TEX10: variants seen among roughly 807,000 people sequenced by gnomAD.
The protein encoded by TEX10 is testis-expressed protein 10.
In TEX10, 24 loss-of-function variants were observed where a neutral mutation model predicts 104.4. The ratio of observed to expected loss-of-function variants is 0.23; its 90% CI spans 0.17 to 0.32. The LOEUF is 0.32. Ranked by LOEUF, TEX10 falls within the 10% of genes least tolerant of loss-of-function variation. The pLI is 1.00. For synonymous variants in TEX10, 396 were observed against 393.4 expected, an observed-to-expected ratio of 1.01 and a Z score of -0.08; for missense variants, 921 against 1,083.9, an observed-to-expected ratio of 0.85 and a Z score of 2.11.
chr9:100,348,229 G>C (rs773425874), intron 2 of TEX10, among the ~76,000 whole-genome samples: 1 of 152,220 alleles, frequency 6.6e-6, no homozygotes, highest in Non-Finnish European at 1.5e-5. Context: ...CAAATCTATA[G>C]ATATCAGAGG....
intron 5 of TEX10, among the ~76,000 whole-genome samples, chr9:100,331,375 T>C (rs1834858734): frequency 6.6e-6 from 1 of 152,210 alleles, no homozygotes. Flanking sequence ...AGTTTGAGGT[T>C]ACAGTGAGCT....
chr9:100,304,009 A>T (rs931703949), intron 13 of TEX10, 167 bp from the exon 14 acceptor site: 1 of 647,906 alleles, frequency 1.5e-6, no homozygotes, highest in Non-Finnish European at 2.8e-6. Flanking sequence ...AGCCACACAC[A>T]CACACTAAAT....
intron 5 of TEX10, among the ~76,000 whole-genome samples, chr9:100,332,324 G>T (rs566334386): frequency 1.3e-5 from 2 of 152,282 alleles, no homozygotes; most frequent in African/African-American, 2.4e-5. Flanking sequence ...AAAATTTACC[G>T]TAAGTTTATC....
intron 5 of TEX10, among the ~76,000 whole-genome samples, chr9:100,333,515 A>T (rs1371361913): frequency 3.3e-5 from 5 of 152,062 alleles, no homozygotes; most frequent in Non-Finnish European, 7.4e-5. Context: ...ATAAGACTAA[A>T]GCAAAACAAG....
intron 5 of TEX10, among the ~76,000 whole-genome samples, chr9:100,334,507 T>C (rs928762064): frequency 1.4e-4 from 21 of 152,100 alleles, no homozygotes; most frequent in Admixed American, 3.9e-4. Context: ...CTGAGATACA[T>C]GAAAAACATG....
intron 2 of TEX10, among the ~76,000 whole-genome samples, chr9:100,348,010 TTCA>T (rs1564222619): frequency 2.0e-5 from 3 of 152,346 alleles, no homozygotes; most frequent in Admixed American, 6.5e-5. Flanking sequence ...AAACTAAATG[TTCA>T]TCAACTGCTG....
At chr9:100,305,562 T>G (rs1588161951) in intron 13 of TEX10, 1 of 152,158 alleles carries the variant, frequency 6.6e-6, no homozygotes, top group East Asian at 1.9e-4. Context: ...TAATCAAATA[T>G]TTTCATTTTC....
At chr9:100,313,845 C>CAA (rs34304010) in intron 11 of TEX10, among the ~76,000 whole-genome samples, 40 of 90,726 alleles carry the variant, frequency 4.4e-4, no homozygotes, top group African/African-American at 1.2e-3. Flanking sequence ...ACTGTGTTTC[C>CAA]AAAAAAAAAA....
chr9:100,338,884 C>CT (rs1421962300), intron 5 of TEX10, among the ~76,000 whole-genome samples: 1 of 151,762 alleles, frequency 6.6e-6, no homozygotes, highest in African/African-American at 2.4e-5. Flanking sequence ...GAGTGAGACT[C>CT]TGTCTCAAAA....
intron 4 of TEX10, among the ~76,000 whole-genome samples, chr9:100,343,678 T>C (rs1835228577): frequency 6.6e-6 from 1 of 151,792 alleles, no homozygotes; most frequent in South Asian, 2.1e-4. Context: ...TGCATTAAGC[T>C]GCAGCACCAA....
chr9:100,320,435 C>CA, intron 10 of TEX10, 37 bp from the exon 11 acceptor site: 5 of 1,537,608 alleles, frequency 3.3e-6, no homozygotes, highest in South Asian at 1.3e-5. Context: ...TTTAAAAAAA[C>CA]AAAAAACAAA....
Position 100,326,346 on chromosome 9 carries a change from G to A in TEX10, c.1935C>T (p.Leu645=), listed in dbSNP as rs753100710. ...TAAGCATGGCAGCCAAACTTGAACT[G>A]AGTCTTCCCATAATACAGCAACGAC... ...RLSRCCIMGR[L]SSSLAAMLIG... is the part of the protein sequence containing the mutation. The change falls in exon 9 of 15, where the codon CTC becomes CTT. Residue 645 remains leucine, a synonymous_variant. Transcript: ENST00000374902. The A allele has an allele frequency of 1.9e-6, 3 of 1,614,014 alleles. No individual in the cohort carries two copies. The highest frequency in any genetic ancestry group is 1.1e-5 in the South Asian group (1 of 91,072).
At chr9:100,336,222 A>G (rs1835004548) in intron 5 of TEX10, among the ~76,000 whole-genome samples, 1 of 152,148 alleles carries the variant, frequency 6.6e-6, no homozygotes, top group Admixed American at 6.5e-5. Flanking sequence ...GGGTACCTGA[A>G]TAAGAAGTGC....
intron 9 of TEX10, among the ~76,000 whole-genome samples, chr9:100,325,658 G>A (rs1834688012): frequency 6.6e-6 from 1 of 152,136 alleles, no homozygotes; most frequent in Admixed American, 6.5e-5. Context: ...AGCCTCCTGA[G>A]TAGCTGGGAC....
chr9:100,339,286 T>C (rs10989057), intron 5 of TEX10, among the ~76,000 whole-genome samples: 2 of 131,818 alleles, frequency 1.5e-5, no homozygotes, highest in Non-Finnish European at 3.2e-5. Context: ...TATATATATA[T>C]ATATACATAT....
chr9:100,330,438 T>C (rs919024843), intron 5 of TEX10, among the ~76,000 whole-genome samples: 5 of 152,204 alleles, frequency 3.3e-5, no homozygotes, highest in African/African-American at 1.2e-4. Flanking sequence ...TAAATGCCCT[T>C]ATAATATTGC....
intron 9 of TEX10, 144 bp from the exon 10 acceptor site, chr9:100,321,915 T>C (rs1308596309): frequency 1.3e-5 from 7 of 559,820 alleles, no homozygotes; most frequent in African/African-American, 7.6e-5. Context: ...ATGCCTTGTA[T>C]TAATTTCATA....
intron 1 of TEX10, 166 bp downstream of exon 1, chr9:100,352,606 G>T: frequency 6.7e-7 from 1 of 1,488,372 alleles, no homozygotes. Flanking sequence ...AGTGCCGGCC[G>T]CACACCCAGG....
chr9:100,321,734 A>T lies in TEX10; in HGVS notation c.2017T>A (p.Trp673Arg). 6.2e-7 allele frequency: 1 copy of T among 1,612,720 alleles called. No individual in the cohort carries two copies. The highest frequency in any genetic ancestry group is 8.5e-7 in the Non-Finnish European group (1 of 1,179,714). ...AAATAGTCTACATCACTCATCAACC[A>T]GTCTTTAGCTGAATACTTCCACCCA... ...FSGWKYSAKD[W>R]LMSDVDYFSF... Residue 673 changes from tryptophan to arginine, a missense_variant, in exon 10 of 15, where the codon TGG (tryptophan) becomes AGG (arginine). By Grantham distance (101) the Trp-to-Arg change is moderately radical. This residue lies in a region of TEX10 where 753 missense variants were observed against 868.4 expected (regional missense o/e 0.87). Coordinates refer to ENST00000374902, the MANE Select transcript of TEX10 (RefSeq NM_017746.4).
Sources: gnomAD v4.1 joint callset for allele counts (sites outside exome capture counted in the v4.1 genomes callset) on GRCh38, gnomAD v4.1.1 for gene constraint, gnomAD v4.1.1 regional missense constraint, MANE v1.5 for transcripts, NCBI Gene and HGNC (gene_info 2026-07-23, HGNC 2026-07-21) for gene names.